Variants in POLR3A observed in about 807,000 individuals in gnomAD.
POLR3A encodes DNA-directed RNA polymerase III subunit RPC1.
Under a neutral mutation model 152.8 loss-of-function variants are expected in POLR3A, and 112 were observed. That is an observed-to-expected ratio of 0.73 (90% CI 0.63 to 0.86). The LOEUF (loss-of-function observed/expected upper bound fraction) is 0.86, where lower values mean the gene tolerates loss of function less well. Ranked by LOEUF, POLR3A falls within the 40% of genes least tolerant of loss-of-function variation. The pLI is 0.00. For missense variants in POLR3A, 1,385 were observed against 1,743.1 expected, an observed-to-expected ratio of 0.79 and a Z score of 3.66; for synonymous variants, 615 against 652.1, an observed-to-expected ratio of 0.94 and a Z score of 0.87.
chr10:78,020,123 G>A, intron 8 of POLR3A: 1 of 146,312 alleles, frequency 6.8e-6, no homozygotes, highest in Non-Finnish European at 1.5e-5. Flanking sequence ...GCAGTGAGCT[G>A]AGATTGTGTC....
intron 17 of POLR3A, among the ~76,000 whole-genome samples, chr10:78,001,832 T>C (rs12249933): frequency 0.084 from 12,693 of 151,330 alleles, 1,726 homozygotes; most frequent in African/African-American, 0.29. Context: ...TTTGTAGAGA[T>C]GGGGTTTTGG....
At chr10:78,018,199 A>C (rs1847543984) in intron 9 of POLR3A, among the ~76,000 whole-genome samples, 1 of 150,784 alleles carries the variant, frequency 6.6e-6, no homozygotes, top group Non-Finnish European at 1.5e-5. Context: ...ACCATGATAA[A>C]TTGATCTTAA....
intron 10 of POLR3A, among the ~76,000 whole-genome samples, chr10:78,015,488 C>G (rs181138182): frequency 6.6e-6 from 1 of 151,938 alleles, no homozygotes; most frequent in African/African-American, 2.4e-5. Context: ...CCACCACACC[C>G]GGCTAATTTT....
intron 5 of POLR3A, among the ~76,000 whole-genome samples, chr10:78,023,104 G>A (rs1847595960): frequency 6.6e-6 from 1 of 151,838 alleles, no homozygotes; most frequent in Non-Finnish European, 1.5e-5. Context: ...GTTGCCGTGA[G>A]CCGATATCAT....
intron 17 of POLR3A, among the ~76,000 whole-genome samples, chr10:78,001,522 G>A (rs1847357466): frequency 6.6e-6 from 1 of 152,106 alleles, no homozygotes. Flanking sequence ...GGGGTAAAAG[G>A]CAGCAAAGTT....
intron 5 of POLR3A, among the ~76,000 whole-genome samples, 166 bp downstream of exon 5, chr10:78,024,383 A>G (rs1342032979): frequency 6.6e-6 from 1 of 151,916 alleles, no homozygotes; most frequent in African/African-American, 2.4e-5. Context: ...AAAAAAAAAA[A>G]AAAAAAGGAA....
rs778848745 is a variant in POLR3A, at chr10:78,009,678, GA to G, written c.1771-4del. On this transcript the variant is annotated splice_region_variant and splice_polypyrimidine_tract_variant and intron_variant, in intron 13 of 30. Transcript: ENST00000372371. ...TTTCCCGTCCACAGGGTGACAGGCTGAGGGGGGGAGGAAGCCTGAGAGTCAG... is the reference window on the plus strand; with the variant it reads ...TTTCCCGTCCACAGGGTGACAGGCTGGGGGGGGAGGAAGCCTGAGAGTCAG... 6.2e-7 allele frequency: 1 copy of G among 1,614,144 alleles called. No individual in the cohort carries two copies. Among genetic ancestry groups the G allele is most frequent in the Non-Finnish European group, 8.5e-7 (1 of 1,180,038 alleles).
At chr10:78,025,911 A>G (rs1847629514) in intron 2 of POLR3A, 152 bp from the exon 3 acceptor site, 1 of 1,160,652 alleles carries the variant, frequency 8.6e-7, no homozygotes, top group South Asian at 1.3e-5. Context: ...TTTCTTTTCT[A>G]ATTTTCATGA....
At chr10:77,994,247 C>A (rs115349675) in intron 19 of POLR3A, among the ~76,000 whole-genome samples, 1 of 152,036 alleles carries the variant, frequency 6.6e-6, no homozygotes, top group Admixed American at 6.6e-5. Flanking sequence ...AGATGATACA[C>A]GAGCTACAGG....
chr10:78,017,466 G>A, intron 10 of POLR3A, 109 bp downstream of exon 10: 1 of 1,116,934 alleles, frequency 9.0e-7, no homozygotes, highest in Non-Finnish European at 1.3e-6. Flanking sequence ...AAAAAGTTAT[G>A]AAAACTTGAG....
chr10:77,977,826 C>G (rs1847104429), intron 30 of POLR3A, among the ~76,000 whole-genome samples, 200 bp from the exon 31 acceptor site: 2 of 152,128 alleles, frequency 1.3e-5, no homozygotes, highest in Admixed American at 1.3e-4. Context: ...TCTGCACTTT[C>G]AGGGAAGGGC....
At chr10:78,014,561 C>T (rs1186191955) in intron 10 of POLR3A, among the ~76,000 whole-genome samples, 6 of 152,032 alleles carry the variant, frequency 3.9e-5, no homozygotes, top group Non-Finnish European at 7.4e-5. Context: ...GGACTACAGG[C>T]GTTTACTGCC....
At position 77,977,144 on chromosome 10, in the gene POLR3A, A is replaced by G. The variant is rs1365503165; in HGVS notation, c.*334T>C. 2 of 367,408 alleles carry G rather than the reference A, an allele frequency of 5.4e-6. No homozygotes were observed. Among genetic ancestry groups the G allele is most frequent in the Non-Finnish European group, 1.0e-5 (2 of 191,782 alleles). The allele number at this position is 367,408 out of a possible 1,614,324, so 22.8% of individuals were successfully genotyped here. On this transcript the variant is annotated 3_prime_UTR_variant, in exon 31 of 31. Coordinates refer to ENST00000372371, the MANE Select transcript of POLR3A (RefSeq NM_007055.4). ...CCATGGGGAGCCGATGGATGTATGC[A>G]GTGAGCTGGGATGGACCATGACACC...
chr10:77,977,725 A>G (rs1489831708), intron 30 of POLR3A, 99 bp from the exon 31 acceptor site: 2 of 989,850 alleles, frequency 2.0e-6, no homozygotes, highest in African/African-American at 1.6e-5. Context: ...TTAGGATGTG[A>G]GTCCCAGCGC....
At chr10:78,002,150 C>T (rs1164431055) in intron 17 of POLR3A, 47 bp downstream of exon 17, 2 of 1,169,642 alleles carry the variant, frequency 1.7e-6, no homozygotes, top group Non-Finnish European at 2.5e-6. Flanking sequence ...GCCAAACAGC[C>T]TGTACGGAGA....
chr10:77,988,940 G>A (rs1447875251), intron 21 of POLR3A, among the ~76,000 whole-genome samples: 1 of 152,112 alleles, frequency 6.6e-6, no homozygotes, highest in Non-Finnish European at 1.5e-5. Flanking sequence ...ATCTGCAAGG[G>A]ACTGTGCACA....
rs376481207 is a variant in POLR3A at position 77,986,054 on chromosome 10, C to A, written c.2988+19G>T. 2 of 1,582,226 alleles carry A rather than the reference C, an allele frequency of 1.3e-6. No homozygotes were observed. Among genetic ancestry groups the A allele is most frequent in the African/African-American group, 2.7e-5 (2 of 74,166 alleles). ...CTACAAACAGCTCGGGGTTCTAACG[C>A]GTCTTGGAGGGATATTACCTCTGTT... is the stretch of plus-strand genomic sequence containing the variant. On this transcript the variant is annotated intron_variant, in intron 22 of 30. Transcript: ENST00000372371.
In POLR3A at chr10:78,021,623, A is replaced by G; in HGVS notation, c.1108T>C (p.Ser370Pro). Reference sequence around the variant, plus strand: ...TCAATCCGGAGGTTGGGGTCGGGCGAGATGACTGTTCTGCCAGAAAAATCC... The same window carrying G: ...TCAATCCGGAGGTTGGGGTCGGGCGGGATGACTGTTCTGCCAGAAAAATCC... Reference protein sequence around the residue: ...RVDFSGRTVISPDPNLRIDEV... With the variant: ...RVDFSGRTVIPPDPNLRIDEV... The change falls in exon 8 of 31, where the codon TCG becomes CCG. Residue 370 changes from serine (S) to proline (P), a missense_variant. Coordinates refer to ENST00000372371, the MANE Select transcript of POLR3A (RefSeq NM_007055.4). 6.2e-7 allele frequency: 1 copy of G among 1,614,152 alleles called. No individual in the cohort carries two copies. The highest frequency in any genetic ancestry group is 8.5e-7 in the Non-Finnish European group (1 of 1,180,008).
At chr10:78,018,558 G>A (rs2131956036) in intron 9 of POLR3A, among the ~76,000 whole-genome samples, 1 of 151,954 alleles carries the variant, frequency 6.6e-6, no homozygotes, top group East Asian at 1.9e-4. Flanking sequence ...GAGAGCCCAG[G>A]TGACACAGGC....
Sources: gnomAD v4.1 joint callset for allele counts (sites outside exome capture counted in the v4.1 genomes callset) on GRCh38, gnomAD v4.1.1 for gene constraint, MANE v1.5 for transcripts, NCBI Gene and HGNC (gene_info 2026-07-23, HGNC 2026-07-21) for gene names.